PPP2R5C: variants seen among roughly 807,000 people sequenced by gnomAD.
The protein encoded by PPP2R5C is serine/threonine-protein phosphatase 2A 56 kDa regulatory subunit gamma isoform.
PPP2R5C carries 7 observed loss-of-function variants against 68.9 expected under a neutral mutation model. The observed-to-expected ratio is 0.10, with a 90% confidence interval of 0.06 to 0.19. The LOEUF (loss-of-function observed/expected upper bound fraction) is 0.19. Ranked by LOEUF, PPP2R5C falls within the 10% of genes least tolerant of loss-of-function variation. PPP2R5C has a pLI of 1.00. For synonymous variants in PPP2R5C, 210 were observed against 222.2 expected, an observed-to-expected ratio of 0.95 and a Z score of 0.49; for missense variants, 348 against 641.3, an observed-to-expected ratio of 0.54 and a Z score of 4.94.
intron 1 of PPP2R5C, among the ~76,000 whole-genome samples, chr14:101,851,524 C>T (rs2042153115): frequency 6.6e-6 from 1 of 152,176 alleles, no homozygotes; most frequent in African/African-American, 2.4e-5. Context: ...GCTGCTTCAG[C>T]TGCTTAGTGA....
intron 6 of PPP2R5C, among the ~76,000 whole-genome samples, chr14:101,892,110 C>T (rs926823685): frequency 6.6e-6 from 1 of 152,106 alleles, no homozygotes; most frequent in Non-Finnish European, 1.5e-5. Context: ...AGCCCGCCAC[C>T]GCGCCTGGCT....
chr14:101,866,320 T>C (rs933610352), intron 2 of PPP2R5C, among the ~76,000 whole-genome samples: 4 of 152,246 alleles, frequency 2.6e-5, no homozygotes, highest in Admixed American at 6.5e-5. Context: ...GTTTGTAACA[T>C]ATAAATAAAT....
intron 2 of PPP2R5C, chr14:101,765,530 A>T (rs2036806392): frequency 8.9e-6 from 3 of 337,286 alleles, no homozygotes; most frequent in Non-Finnish European, 5.4e-6. Flanking sequence ...AACCTGAACA[A>T]TTTAAATAGG....
intron 1 of PPP2R5C, chr14:101,836,267 CA>C (rs1166512141): frequency 3.0e-5 from 21 of 702,898 alleles, no homozygotes; most frequent in African/African-American, 1.2e-4. Flanking sequence ...AGAGCAAACC[CA>C]TGGAGAACCC....
chr14:101,792,694 G>C (rs1171077656), intron 3 of PPP2R5C, among the ~76,000 whole-genome samples: 3 of 152,092 alleles, frequency 2.0e-5, no homozygotes, highest in African/African-American at 7.2e-5. Context: ...TAGTCTTTCT[G>C]GTGTTCAGAT....
chr14:101,854,673 C>T (rs974687920), intron 1 of PPP2R5C, among the ~76,000 whole-genome samples: 5 of 152,166 alleles, frequency 3.3e-5, no homozygotes, highest in African/African-American at 1.2e-4. Context: ...TGGAGCGAGG[C>T]TGGCATGGGG....
intron 8 of PPP2R5C, among the ~76,000 whole-genome samples, chr14:101,898,777 A>G (rs574814338): frequency 2.0e-5 from 3 of 152,328 alleles, no homozygotes; most frequent in Non-Finnish European, 2.9e-5. Context: ...TCAATTTCCT[A>G]CATGTTAAGA....
intron 2 of PPP2R5C, among the ~76,000 whole-genome samples, chr14:101,768,995 T>G (rs932575109): frequency 1.3e-5 from 2 of 152,096 alleles, no homozygotes; most frequent in African/African-American, 2.4e-5. Flanking sequence ...CGGCTCATTT[T>G]TTGTATTTTT....
intron 2 of PPP2R5C, among the ~76,000 whole-genome samples, chr14:101,772,808 A>G (rs1488995885): frequency 6.6e-6 from 1 of 152,172 alleles, no homozygotes; most frequent in African/African-American, 2.4e-5. Flanking sequence ...AAAATAAATA[A>G]GTAAAAAATA....
chr14:101,830,855 A>G (rs2140333278), intron 1 of PPP2R5C, among the ~76,000 whole-genome samples: 1 of 152,340 alleles, frequency 6.6e-6, no homozygotes, highest in South Asian at 2.1e-4. Flanking sequence ...TATAATTTAA[A>G]GTAAAATGGA....
chr14:101,887,993 A>T (rs1289154074), intron 5 of PPP2R5C, among the ~76,000 whole-genome samples: 2 of 152,170 alleles, frequency 1.3e-5, no homozygotes, highest in African/African-American at 4.8e-5. Context: ...GAAGAAGGAA[A>T]AGAACTGTCC....
At chr14:101,823,108 A>T (rs896394451) in intron 1 of PPP2R5C, among the ~76,000 whole-genome samples, 1 of 152,238 alleles carries the variant, frequency 6.6e-6, no homozygotes, top group Admixed American at 6.5e-5. Flanking sequence ...GATTTTGAAC[A>T]CTACTTGACA....
At chr14:101,919,054 GC>G (rs1224723484) in intron 13 of PPP2R5C, among the ~76,000 whole-genome samples, 19 of 152,250 alleles carry the variant, frequency 1.2e-4, no homozygotes, top group Middle Eastern at 3.4e-3. Context: ...TTGAATGAAT[GC>G]CCCCCATTTC....
intron 1 of PPP2R5C, among the ~76,000 whole-genome samples, chr14:101,853,044 T>C (rs1040404596): frequency 2.0e-5 from 3 of 152,194 alleles, no homozygotes; most frequent in African/African-American, 7.2e-5. Context: ...GTATGAAGCA[T>C]ATTCTTCCAC....
chr14:101,900,724 G>C (rs1407095111), intron 8 of PPP2R5C, among the ~76,000 whole-genome samples: 1 of 152,222 alleles, frequency 6.6e-6, no homozygotes, highest in African/African-American at 2.4e-5. Context: ...AGGTTGCCCA[G>C]TGGAAATTCT....
In PPP2R5C at chr14:101,888,324, A is replaced by G. The variant is rs1380136997; in HGVS notation, c.630-1913A>G. 1.3e-5 allele frequency among the ~76,000 whole-genome samples: 2 copies of G among 152,088 alleles called. No individual in the cohort carries two copies. Among genetic ancestry groups the G allele is most frequent in the African/African-American group, 4.8e-5 (2 of 41,410 alleles). ...AGCACCTCTCGGTGTAGACACACACAGACTGACTTCTGCTTGGTCACAGCT... is the reference window on the plus strand; with the variant it reads ...AGCACCTCTCGGTGTAGACACACACGGACTGACTTCTGCTTGGTCACAGCT... On this transcript the variant is annotated intron_variant, in intron 5 of 13. Transcript: ENST00000334743. The surrounding 1 kb of genome is among the most constrained non-coding windows in gnomAD (Gnocchi z 5.6).
At chr14:101,892,276 C>G (rs2448232) in intron 6 of PPP2R5C, among the ~76,000 whole-genome samples, 19,769 of 151,664 alleles carry the variant, frequency 0.13, 1,668 homozygotes, top group African/African-American at 0.23. Context: ...TTAACCAGCT[C>G]TCATCCAGCA....
chr14:101,858,339 AG>A (rs2042551342), intron 2 of PPP2R5C, among the ~76,000 whole-genome samples: 1 of 151,894 alleles, frequency 6.6e-6, no homozygotes, highest in Non-Finnish European at 1.5e-5. Flanking sequence ...TTTTTCTTTT[AG>A]GTATGGATAT....
rs1394550764 is a variant in PPP2R5C at position 101,901,624 on chromosome 14, C to G, written c.853-95C>G. The G allele has an allele frequency of 2.4e-6, 3 of 1,270,090 alleles. No individual in the cohort carries two copies. In the African/African-American group the frequency reaches 4.5e-5, roughly 19 times the overall value. 78.7% of individuals were successfully genotyped at this position (1,270,090 alleles called of 1,614,324 possible). A position where few individuals can be genotyped will look rare whatever the true frequency, so the allele number is the denominator to read the frequency against. On this transcript the variant is annotated intron_variant, in intron 8 of 13. Coordinates refer to ENST00000334743, the Ensembl canonical transcript of PPP2R5C. ...GGCACCATCTCCGTGTGTTGCCTTG[C>G]AGTGGGGCCACCGCAGTGAAAACAC...
Sources: allele counts gnomAD v4.1 joint callset (sites outside exome capture counted in the v4.1 genomes callset), GRCh38; gene constraint gnomAD v4.1.1; non-coding constraint Gnocchi (gnomAD v3.1); transcripts MANE v1.5; gene names NCBI Gene and HGNC (gene_info 2026-07-23, HGNC 2026-07-21).